The following STK32B variants were observed in gnomAD, a reference collection of about 807,000 sequenced individuals.
STK32B encodes serine/threonine kinase 32B.
A neutral mutation model predicts 52.6 loss-of-function variants in STK32B; 43 were observed. The observed-to-expected ratio is 0.82, with a 90% CI of 0.64 to 1.05. The LOEUF (loss-of-function observed/expected upper bound fraction) is 1.05, where lower values mean the gene tolerates loss of function less well. Among genes scored for constraint, STK32B ranks in the 50% least tolerant of loss-of-function variants. The pLI is 0.00. For synonymous variants in STK32B, 238 were observed against 204.3 expected (o/e 1.17, Z -1.41); for missense variants, 621 against 534.6 (o/e 1.16, Z -1.59).
chr4:5,469,421 A>G lies in STK32B; in HGVS notation c.1106+1351A>G, dbSNP rs548918262. Among the ~76,000 whole-genome samples the G allele has an allele frequency of 3.3e-5, 5 of 152,288 alleles. No homozygotes were observed. The highest frequency in any genetic ancestry group is 3.9e-4 in the East Asian group (2 of 5,176). ...TAGGTGGCGTGCTGGGCCAAGTCCT[A>G]AGGGACATGTAGGGGAAAACGCGGC... On this transcript the variant is annotated intron_variant, in intron 11 of 11. Coordinates refer to ENST00000282908, the MANE Select transcript of STK32B (RefSeq NM_018401.3). The surrounding 1 kb of genome is among the most constrained non-coding windows in gnomAD (Gnocchi z 4.7).
intron 11 of STK32B, among the ~76,000 whole-genome samples, chr4:5,473,577 C>T (rs1718008692): frequency 6.6e-6 from 1 of 152,160 alleles, no homozygotes; most frequent in African/African-American, 2.4e-5. Flanking sequence ...GGCTCCAGAG[C>T]CCCAGGCTGA....
intron 3 of STK32B, among the ~76,000 whole-genome samples, chr4:5,317,420 A>T (rs1370209510): frequency 3.8e-5 from 1 of 26,040 alleles, no homozygotes; most frequent in South Asian, 8.3e-4. Flanking sequence ...TGTATTATAT[A>T]TAATACATAT....
intron 3 of STK32B, among the ~76,000 whole-genome samples, chr4:5,315,561 TA>T: frequency 6.6e-6 from 1 of 152,162 alleles, no homozygotes; most frequent in East Asian, 1.9e-4. Context: ...ATTGTAAAAG[TA>T]AAAAGAAATA....
intron 3 of STK32B, among the ~76,000 whole-genome samples, chr4:5,174,989 C>G (rs1719719859): frequency 6.6e-6 from 1 of 152,158 alleles, no homozygotes; most frequent in South Asian, 2.1e-4. Context: ...TTCTTGTAGG[C>G]TTTGTTAGTT....
intron 6 of STK32B, among the ~76,000 whole-genome samples, chr4:5,436,865 G>A (rs1714130315): frequency 6.6e-6 from 1 of 152,174 alleles, no homozygotes; most frequent in South Asian, 2.1e-4. Flanking sequence ...AACACGATGA[G>A]TTTCAAGGGA....
chr4:5,041,053 T>A, the STK32B span, among the ~76,000 whole-genome samples: 4 of 152,216 alleles, frequency 2.6e-5, no homozygotes, highest in Non-Finnish European at 5.9e-5. Flanking sequence ...TGCCTTTTAG[T>A]AAGTCATTGT....
At position 5,273,876 on chromosome 4, in the gene STK32B, G is replaced by T. The variant is rs1381212822; in HGVS notation, c.261-57344G>T. ...GGAGGGGGGAGGGATAGCATTGGAA[G>T]ATATACCTAATGCTAGATGACGAGT... On this transcript the variant is annotated intron_variant, in intron 3 of 11. Transcript: ENST00000282908. 1.5e-4 allele frequency among the ~76,000 whole-genome samples: 23 copies of T among 148,760 alleles called. No homozygotes were observed. The South Asian group carries it at 4.8e-3, about 31-fold the overall frequency.
In STK32B at chr4:5,470,670, A is replaced by G. The variant is rs1436205199; in HGVS notation, c.1106+2600A>G. Among the ~76,000 whole-genome samples, 1 of 152,098 alleles carries G rather than the reference A, an allele frequency of 6.6e-6. No homozygotes were observed. Among genetic ancestry groups the G allele is most frequent in the Non-Finnish European group, 1.5e-5 (1 of 68,030 alleles). On this transcript the variant is annotated intron_variant, in intron 11 of 11. Transcript: ENST00000282908. The surrounding 1 kb of genome is among the most constrained non-coding windows in gnomAD (Gnocchi z 4.6). ...GAAGAGAGCCATGCTCCATCTACCC[A>G]CAGTCCTCCCTTGCTGCAGTTTCTC...
intron 9 of STK32B, among the ~76,000 whole-genome samples, chr4:5,462,482 C>T (rs1717110802): frequency 6.6e-6 from 1 of 152,064 alleles, no homozygotes; most frequent in African/African-American, 2.4e-5. Context: ...ATGCTGGGGG[C>T]AGGCAGTCTG....
intron 11 of STK32B, among the ~76,000 whole-genome samples, chr4:5,491,157 C>T (rs1719698605): frequency 6.6e-6 from 1 of 152,304 alleles, no homozygotes; most frequent in South Asian, 2.1e-4. Context: ...ACACTGACTT[C>T]CACAATGGTT....
At chr4:5,292,822 GT>G (rs1305383641) in intron 3 of STK32B, among the ~76,000 whole-genome samples, 1 of 151,792 alleles carries the variant, frequency 6.6e-6, no homozygotes, top group African/African-American at 2.4e-5. Context: ...TGTGCAGAAT[GT>G]CCAGGTTTGC....
intron 3 of STK32B, among the ~76,000 whole-genome samples, chr4:5,294,023 A>G (rs770508743): frequency 5.3e-5 from 8 of 152,186 alleles, no homozygotes; most frequent in Non-Finnish European, 7.3e-5. Context: ...CAGTTTTCCC[A>G]AAACCATTTA....
chr4:5,173,487 G>A (rs1354648649), intron 3 of STK32B, among the ~76,000 whole-genome samples: 1 of 152,064 alleles, frequency 6.6e-6, no homozygotes, highest in Non-Finnish European at 1.5e-5. Context: ...GTGTCCCAGA[G>A]ATTCTGGTAT....
chr4:5,060,500 A>AT (rs1343495722), intron 1 of STK32B, among the ~76,000 whole-genome samples: 1 of 151,806 alleles, frequency 6.6e-6, no homozygotes, highest in Non-Finnish European at 1.5e-5. Context: ...TGATTCACTG[A>AT]TTTTTTAAAA....
At chr4:5,397,484 A>T (rs929042475) in intron 4 of STK32B, among the ~76,000 whole-genome samples, 2 of 152,194 alleles carry the variant, frequency 1.3e-5, no homozygotes, top group African/African-American at 4.8e-5. Context: ...GGTGATGTAG[A>T]GAAGACCTTT....
intron 3 of STK32B, among the ~76,000 whole-genome samples, chr4:5,311,916 T>TATA (rs201864559): frequency 6.1e-5 from 8 of 130,400 alleles, no homozygotes; most frequent in East Asian, 2.1e-4. Context: ...ATATATATAT[T>TATA]TTTTTTTAAA....
chr4:5,271,072 G>A (rs1337832420), intron 3 of STK32B, among the ~76,000 whole-genome samples: 1 of 151,964 alleles, frequency 6.6e-6, no homozygotes, highest in African/African-American at 2.4e-5. Context: ...TGAGTAGCTG[G>A]GACTGCAGGT....
chr4:5,497,498 A>T (rs1459419165), intron 11 of STK32B, among the ~76,000 whole-genome samples: 1 of 152,172 alleles, frequency 6.6e-6, no homozygotes, highest in African/African-American at 2.4e-5. Context: ...AACCATGACC[A>T]CCTTTCCCAG....
At chr4:5,433,993 C>T (rs1262103837) in intron 6 of STK32B, among the ~76,000 whole-genome samples, 1 of 152,188 alleles carries the variant, frequency 6.6e-6, no homozygotes, top group Non-Finnish European at 1.5e-5. Context: ...TCCTTGGCAT[C>T]AAAACTCACT....
Sources: allele counts gnomAD v4.1 joint callset (sites outside exome capture counted in the v4.1 genomes callset), GRCh38; gene constraint gnomAD v4.1.1; non-coding constraint Gnocchi (gnomAD v3.1); transcripts MANE v1.5; gene names NCBI Gene and HGNC (gene_info 2026-07-23, HGNC 2026-07-21).